Variants in NUMA1 observed in about 807,000 individuals in gnomAD.
The protein encoded by NUMA1 is SP-H antigen.
NUMA1 carries 62 observed loss-of-function variants against 237.1 expected under a neutral mutation model. The observed-to-expected ratio is 0.26, with a 90% confidence interval of 0.21 to 0.32. NUMA1 has a LOEUF of 0.32. Ranked by LOEUF, NUMA1 falls within the 10% of genes least tolerant of loss-of-function variation. The pLI is 1.00. For missense variants in NUMA1, 2,533 were observed against 2,666.5 expected (o/e 0.95, Z 1.10); for synonymous variants, 1,028 against 1,066.1 (o/e 0.96, Z 0.70).
intron 3 of NUMA1, among the ~76,000 whole-genome samples, chr11:72,035,462 C>T (rs1426089254): frequency 1.3e-5 from 2 of 151,294 alleles, no homozygotes; most frequent in Non-Finnish European, 2.9e-5. Flanking sequence ...GGCTGGAGTG[C>T]AATGGTGTGA....
Position 72,015,959 on chromosome 11 carries a change from T to C in NUMA1, c.1544A>G (p.Gln515Arg). The change falls in exon 15 of 27, where the codon CAG becomes CGG. Residue 515 changes from glutamine (Q) to arginine (R), a missense_variant. Physicochemically the swap from Gln to Arg is conservative, Grantham distance 43. Transcript: ENST00000393695. This position sits in a 1 kb window ranked among gnomAD's most constrained non-coding sequence, Gnocchi z 4.0. ...SELTTLNATIQQQDQELAGLK... is the reference protein window; with the variant it reads ...SELTTLNATIRQQDQELAGLK... ...GCCAGCCAGTTCTTGATCCTGTTGC[T>C]GGATGGTGGCATTGAGTGTGGTGAG... 2 of 1,614,208 alleles carry C rather than the reference T, an allele frequency of 1.2e-6. No individual in the cohort carries two copies. Among genetic ancestry groups the C allele is most frequent in the Non-Finnish European group, 8.5e-7 (1 of 1,180,032 alleles).
At position 72,014,461 on chromosome 11, in the gene NUMA1, G is replaced by A; in HGVS notation, c.3042C>T (p.Gly1014=). ...REVARLTQER[G]RAQADLALEK... ...CCAGGGCAAGGTCAGCCTGGGCACGGCCCCGCTCCTGGGTCAGCCGCGCCA... is the reference window on the plus strand; with the variant it reads ...CCAGGGCAAGGTCAGCCTGGGCACGACCCCGCTCCTGGGTCAGCCGCGCCA... The change falls in exon 15 of 27, where the codon GGC becomes GGT. Residue 1014 remains glycine, a synonymous_variant. Transcript: ENST00000393695. This position sits in a 1 kb window ranked among gnomAD's most constrained non-coding sequence, Gnocchi z 4.6. The A allele has an allele frequency of 6.2e-7, 1 of 1,603,972 alleles. No homozygotes were observed.
At position 72,014,947 on chromosome 11, in the gene NUMA1, T is replaced by G. The variant is rs1335613658; in HGVS notation, c.2556A>C (p.Ala852=). The G allele has an allele frequency of 6.2e-7, 1 of 1,614,176 alleles. No homozygotes were observed. Among genetic ancestry groups the G allele is most frequent in the South Asian group, 1.1e-5 (1 of 91,090 alleles). The stretch of plus-strand genomic sequence containing the variant: ...ATTCTATGCCTGCCACCTTCTCCTT[T>G]GCCTCCTGCAGCTCCTGGCGGGCCT... ...CEKARQELQE[A]KEKVAGIESH... is the part of the protein sequence containing the mutation. Residue 852 remains alanine (A), a synonymous_variant, in exon 15 of 27, where the codon GCA becomes GCC. Coordinates refer to ENST00000393695, the MANE Select transcript of NUMA1 (RefSeq NM_006185.4). The surrounding 1 kb of genome is among the most constrained non-coding windows in gnomAD (Gnocchi z 4.6).
At chr11:72,004,409 C>T in intron 24 of NUMA1, 68 bp from the exon 25 acceptor site, 1 of 1,434,560 alleles carries the variant, frequency 7.0e-7, no homozygotes, top group African/African-American at 1.4e-5. Flanking sequence ...GGTGTCTTGT[C>T]CTCTCAGAGC....
At chr11:72,026,635 A>G (rs1002043273) in intron 4 of NUMA1, among the ~76,000 whole-genome samples, 5 of 152,106 alleles carry the variant, frequency 3.3e-5, no homozygotes, top group Non-Finnish European at 4.4e-5. Flanking sequence ...CTCAACTCCC[A>G]CAGCTTATTT....
chr11:72,003,344 C>A lies in NUMA1; in HGVS notation c.*183G>T. 2 of 648,094 alleles carry A rather than the reference C, an allele frequency of 3.1e-6. No homozygotes were observed. Among genetic ancestry groups the A allele is most frequent in the Non-Finnish European group, 5.6e-6 (2 of 357,380 alleles). 40.1% of individuals were successfully genotyped at this position (648,094 alleles called of 1,614,324 possible). A position where few individuals can be genotyped will look rare whatever the true frequency, so the allele number is the denominator to read the frequency against. On this transcript the variant is annotated 3_prime_UTR_variant, in exon 27 of 27. Coordinates refer to ENST00000393695, the MANE Select transcript of NUMA1 (RefSeq NM_006185.4). ...ATGCTCCAGGCCCCCTGGGCCAGCT[C>A]CGAGAAGGCGCCAGTGAAGGACCAG... is the stretch of plus-strand genomic sequence containing the variant.
intron 1 of NUMA1, among the ~76,000 whole-genome samples, chr11:72,075,339 G>A (rs1239079668): frequency 6.6e-6 from 1 of 152,090 alleles, no homozygotes; most frequent in Non-Finnish European, 1.5e-5. Context: ...AGGCTACAAG[G>A]GACTTCCTCC....
chr11:72,020,019 A>C (rs1453414070), intron 8 of NUMA1, among the ~76,000 whole-genome samples: 1 of 152,098 alleles, frequency 6.6e-6, no homozygotes, highest in Non-Finnish European at 1.5e-5. Context: ...CACCATTTGG[A>C]ATTCATCCCC....
In NUMA1 at chr11:72,018,523, G is replaced by A; in HGVS notation, c.743-10C>T. Reference sequence around the variant, plus strand: ...ATGGCTATCTGTGCATCTGCCCAGAGTGGAGGGAGGAGGAGAGGAGAATCA... The same window carrying A: ...ATGGCTATCTGTGCATCTGCCCAGAATGGAGGGAGGAGGAGAGGAGAATCA... On this transcript the variant is annotated splice_polypyrimidine_tract_variant and intron_variant, in intron 10 of 26. Transcript: ENST00000393695. 2 of 1,605,276 alleles carry A rather than the reference G, an allele frequency of 1.2e-6. No homozygotes were observed. The highest frequency in any genetic ancestry group is 1.7e-5 in the Admixed American group (1 of 59,996).
intron 2 of NUMA1, among the ~76,000 whole-genome samples, chr11:72,045,556 G>GCAGCCT (rs1941948561): frequency 6.6e-6 from 1 of 152,160 alleles, no homozygotes; most frequent in Non-Finnish European, 1.5e-5. Context: ...ATGGCTCACT[G>GCAGCCT]CAGCCTCAGC....
chr11:72,061,031 T>C (rs1415002979), intron 2 of NUMA1, among the ~76,000 whole-genome samples: 6 of 152,162 alleles, frequency 3.9e-5, no homozygotes, highest in African/African-American at 1.4e-4. Context: ...ATCGTGCCAC[T>C]GCACTCCAGC....
chr11:72,035,303 A>G (rs1047178558), intron 3 of NUMA1, among the ~76,000 whole-genome samples: 1 of 152,196 alleles, frequency 6.6e-6, no homozygotes, highest in South Asian at 2.1e-4. Context: ...AACAGACAGA[A>G]AGGTGGTAAG....
At chr11:72,038,793 A>C (rs536135574) in intron 2 of NUMA1, among the ~76,000 whole-genome samples, 34 of 141,564 alleles carry the variant, frequency 2.4e-4, no homozygotes, top group African/African-American at 6.5e-4. Context: ...CGTCCCCCCC[A>C]CAACCCTCAC....
rs1433712744 is a variant in NUMA1 at position 72,016,189 on chromosome 11, C to T, written c.1314G>A (p.Met438Ile). Residue 438 changes from methionine to isoleucine, a missense_variant, in exon 15 of 27, where the codon ATG becomes ATA. Coordinates refer to ENST00000393695, the MANE Select transcript of NUMA1 (RefSeq NM_006185.4). ...CCTGCTGGCCTCGCTCAGTCTCCAG[C>T]ATCTCTACCCTGGCTTGGAGCTGTG... ...NNTQLQARVE[M>I]LETERGQQEA... 6.2e-6 allele frequency: 10 copies of T among 1,612,548 alleles called. No homozygotes were observed. The highest frequency in any genetic ancestry group is 2.2e-5 in the South Asian group (2 of 91,070).
At chr11:72,044,046 C>T (rs549357167) in intron 2 of NUMA1, among the ~76,000 whole-genome samples, 1 of 152,262 alleles carries the variant, frequency 6.6e-6, no homozygotes, top group South Asian at 2.1e-4. Context: ...CTAATATGTA[C>T]GAACTCATTA....
chr11:72,042,282 C>T (rs1316429970), intron 2 of NUMA1: 1 of 152,240 alleles, frequency 6.6e-6, no homozygotes, highest in African/African-American at 2.4e-5. Flanking sequence ...TGAGCACCTA[C>T]TATGTGTAAG....
intron 13 of NUMA1, 42 bp from the exon 14 acceptor site, chr11:72,016,572 G>A: frequency 6.2e-7 from 1 of 1,601,962 alleles, no homozygotes; most frequent in Non-Finnish European, 8.5e-7. Flanking sequence ...AGGGGGAACA[G>A]GCACCAGATT....
In NUMA1 at chr11:72,006,188, TAGCCTGGGA is replaced by T. The variant is rs1955678091; in HGVS notation, c.5530_5538del (p.Gln1845_Ser1847del). 1 of 1,614,006 alleles carries T rather than the reference TAGCCTGGGA, an allele frequency of 6.2e-7. No homozygotes were observed. The highest frequency in any genetic ancestry group is 1.7e-5 in the Admixed American group (1 of 60,002). On this transcript the variant is annotated inframe_deletion, in exon 22 of 27. Coordinates refer to ENST00000393695, the MANE Select transcript of NUMA1 (RefSeq NM_006185.4). ...TGAGTAGAGGAGGTGGCTCGCAGGCTAGCCTGGGAAGCAGGAGCAGACCGCGTGCTGTAG... is the reference window on the plus strand; with the variant it reads ...TGAGTAGAGGAGGTGGCTCGCAGGCTAGCAGGAGCAGACCGCGTGCTGTAG...
chr11:72,079,522 A>T (rs1256125126), intron 1 of NUMA1, among the ~76,000 whole-genome samples: 1 of 151,320 alleles, frequency 6.6e-6, no homozygotes, highest in African/African-American at 2.4e-5. Context: ...CCTGGGCGAT[A>T]GGGCGAGACT....
Sources: allele counts gnomAD v4.1 joint callset (sites outside exome capture counted in the v4.1 genomes callset), GRCh38; gene constraint gnomAD v4.1.1; non-coding constraint Gnocchi (gnomAD v3.1); transcripts MANE v1.5; gene names NCBI Gene and HGNC (gene_info 2026-07-23, HGNC 2026-07-21).